Variants in MIA2 observed in about 807,000 individuals in gnomAD.
MIA2 encodes melanoma inhibitory activity protein 2.
A neutral mutation model predicts 167.8 loss-of-function variants in MIA2; 127 were observed. That is an observed-to-expected ratio of 0.76 (90% confidence interval 0.66 to 0.88). The LOEUF is 0.88. Ranked by LOEUF, MIA2 falls within the 40% of genes least tolerant of loss-of-function variation. The pLI, the probability that MIA2 is intolerant of heterozygous loss-of-function variation, is 0.00. For synonymous variants in MIA2, 552 were observed against 541.9 expected, an observed-to-expected ratio of 1.02 and a Z score of -0.26; for missense variants, 1,690 against 1,624.7, an observed-to-expected ratio of 1.04 and a Z score of -0.69.
At chr14:39,237,104 C>T in intron 2 of MIA2, 49 bp downstream of exon 2, 2 of 1,589,748 alleles carry the variant, frequency 1.3e-6, no homozygotes, top group Non-Finnish European at 1.7e-6. Flanking sequence ...GACCAACTTG[C>T]ACAAAGATTC....
At chr14:39,282,192 T>C (rs1414635410) in intron 9 of MIA2, among the ~76,000 whole-genome samples, 1 of 152,212 alleles carries the variant, frequency 6.6e-6, no homozygotes, top group East Asian at 1.9e-4. Flanking sequence ...GAGGATTTAC[T>C]GTTGCTTTTC....
At chr14:39,249,621 G>T (rs1259682370) in intron 4 of MIA2, among the ~76,000 whole-genome samples, 3 of 152,044 alleles carry the variant, frequency 2.0e-5, no homozygotes, top group Non-Finnish European at 4.4e-5. Flanking sequence ...CAGAATATAA[G>T]ATAATACTTT....
At chr14:39,274,035 AT>A (rs1433178882) in intron 6 of MIA2, among the ~76,000 whole-genome samples, 1 of 152,190 alleles carries the variant, frequency 6.6e-6, no homozygotes, top group Admixed American at 6.5e-5. Context: ...ATGAAAAACA[AT>A]TTTAGTTTAT....
At chr14:39,241,950 G>C (rs539843341) in intron 3 of MIA2, among the ~76,000 whole-genome samples, 1 of 152,180 alleles carries the variant, frequency 6.6e-6, no homozygotes, top group Non-Finnish European at 1.5e-5. Context: ...CCCAGCCTGG[G>C]GACCCAAACA....
rs2152943922 is a variant in MIA2, at chr14:39,314,790, T to C, written c.3171T>C (p.Tyr1057=). 2 of 1,569,562 alleles carry C rather than the reference T, an allele frequency of 1.3e-6. No individual in the cohort carries two copies. Among genetic ancestry groups the C allele is most frequent in the South Asian group, 2.3e-5 (2 of 88,814 alleles). ...AATTGGAGAGAACTATTCATTCTTA[T>C]CAAGGGCAGGTATATATATATGTGT... ...EEELERTIHS[Y]QGQIISHEKK... is the part of the protein sequence containing the mutation. Residue 1057 remains tyrosine, a synonymous_variant, in exon 20 of 29, where the codon TAT becomes TAC. Transcript: ENST00000640607.
intron 6 of MIA2, among the ~76,000 whole-genome samples, chr14:39,263,954 C>T (rs989752030): frequency 1.8e-4 from 28 of 152,084 alleles, no homozygotes; most frequent in African/African-American, 6.0e-4. Context: ...TTTCTTATTT[C>T]CATGTTTATT....
chr14:39,260,744 G>C (rs2152654334), intron 6 of MIA2, among the ~76,000 whole-genome samples: 1 of 152,234 alleles, frequency 6.6e-6, no homozygotes, highest in South Asian at 2.1e-4. Context: ...GGCTTTTGTT[G>C]CCATTGCTTT....
chr14:39,300,549 T>C (rs769642716), intron 14 of MIA2, among the ~76,000 whole-genome samples: 2 of 151,514 alleles, frequency 1.3e-5, no homozygotes, highest in Admixed American at 1.3e-4. Context: ...CGTTCTATAA[T>C]TTACACAGTG....
chr14:39,286,880 TG>T (rs2059891840), intron 9 of MIA2, among the ~76,000 whole-genome samples: 1 of 144,872 alleles, frequency 6.9e-6, no homozygotes. Flanking sequence ...TGTGTGTGTG[TG>T]TGTGTGTGTG....
At position 39,304,512 on chromosome 14, in the gene MIA2, G is replaced by A. The variant is rs577831183; in HGVS notation, c.2878+131G>A. ...TTTTTTTTTAACTTTTGTTCCTGTT[G>A]GGTATTTGTGAAACATTAGTCCTGG... On this transcript the variant is annotated intron_variant, in intron 17 of 28. Transcript: ENST00000640607. The A allele has an allele frequency of 6.2e-6, 3 of 486,656 alleles. No individual in the cohort carries two copies. The Admixed American group carries it at 1.3e-4, about 21-fold the overall frequency. The allele number at this position is 486,656 out of a possible 1,614,324, so 30.1% of individuals were successfully genotyped here. A position where few individuals can be genotyped will look rare whatever the true frequency, so the allele number is the denominator to read the frequency against.
intron 6 of MIA2, among the ~76,000 whole-genome samples, chr14:39,262,116 G>A (rs543878010): frequency 7.4e-4 from 113 of 152,178 alleles, no homozygotes; most frequent in African/African-American, 2.0e-3. Flanking sequence ...GGGTTTTTAC[G>A]GTTTTAGGTC....
rs1364202108 is a variant in MIA2 at position 39,237,032 on chromosome 14, AG to A, written c.229del (p.Glu77LysfsTer46). 6 of 1,613,946 alleles carry A rather than the reference AG, an allele frequency of 3.7e-6. No individual in the cohort carries two copies. Among genetic ancestry groups the A allele is most frequent in the Non-Finnish European group, 1.7e-6 (2 of 1,179,990 alleles). On this transcript the variant is annotated frameshift_variant, in exon 2 of 29. Coordinates refer to ENST00000640607, the MANE Select transcript of MIA2 (RefSeq NM_001329214.4). LOFTEE classifies it high-confidence loss of function. ...TGTTTATGTTAAACTTGCAGGAGAA[AG>A]GGAAGATTTGTGGGCAGGAAGTGTA... The part of the protein sequence containing the change: ...ISVYVKLAGE[R>X]EDLWAGSKGK...
At chr14:39,380,265 CAGAG>C (rs1176150140) in intron 23 of MIA2, among the ~76,000 whole-genome samples, 10 of 152,210 alleles carry the variant, frequency 6.6e-5, no homozygotes, top group Non-Finnish European at 7.4e-5. Context: ...AAGCTGAAAA[CAGAG>C]AGACACAATA....
intron 6 of MIA2, chr14:39,265,214 G>A (rs1566618390): frequency 3.5e-6 from 2 of 573,526 alleles, no homozygotes; most frequent in Non-Finnish European, 6.1e-6. Context: ...TTGGGTTATG[G>A]GTTGGTAGTC....
rs759762612 is a variant in MIA2 at position 39,313,293 on chromosome 14, A to G, written c.3018-47A>G. The G allele has an allele frequency of 3.1e-6, 3 of 958,362 alleles. No homozygotes were observed. In the South Asian group the frequency reaches 5.2e-5, roughly 17 times the overall value. The allele number at this position is 958,362 out of a possible 1,614,324, so 59.4% of individuals were successfully genotyped here. A position where few individuals can be genotyped will look rare whatever the true frequency, so the allele number is the denominator to read the frequency against. On this transcript the variant is annotated intron_variant, in intron 18 of 28. Coordinates refer to ENST00000640607, the MANE Select transcript of MIA2 (RefSeq NM_001329214.4). ...CACAATTAAAAATATAGAATTGATT[A>G]TCTTTTGACATGTATTAAGAGAATT...
At chr14:39,270,746 G>A (rs2056998051) in intron 6 of MIA2, among the ~76,000 whole-genome samples, 1 of 152,120 alleles carries the variant, frequency 6.6e-6, no homozygotes, top group South Asian at 2.1e-4. Context: ...TTGAGCATGT[G>A]CTTATTGTTT....
At chr14:39,368,037 TC>T (rs948488680) in intron 23 of MIA2, among the ~76,000 whole-genome samples, 3 of 152,146 alleles carry the variant, frequency 2.0e-5, no homozygotes, top group Non-Finnish European at 2.9e-5. Context: ...CTTGCTTTTT[TC>T]CCCCCTTTAT....
intron 24 of MIA2, among the ~76,000 whole-genome samples, chr14:39,326,602 AATC>A (rs2067599659): frequency 6.7e-6 from 1 of 149,126 alleles, no homozygotes; most frequent in Admixed American, 6.7e-5. Flanking sequence ...CTTTTTATTT[AATC>A]ATTTATTATA....
intron 19 of MIA2, 73 bp downstream of exon 19, chr14:39,313,514 A>G (rs890010889): frequency 2.9e-5 from 23 of 784,328 alleles, no homozygotes; most frequent in Non-Finnish European, 4.1e-5. Flanking sequence ...CCAGAAAAAT[A>G]ATAAATCAAA....
Sources: gnomAD v4.1 joint callset for allele counts (sites outside exome capture counted in the v4.1 genomes callset) on GRCh38, gnomAD v4.1.1 for gene constraint, MANE v1.5 for transcripts, NCBI Gene and HGNC (gene_info 2026-07-23, HGNC 2026-07-21) for gene names.